The following TMEM74 variants were observed in gnomAD, a reference collection of about 807,000 sequenced individuals.
TMEM74 encodes transmembrane protein 74.
TMEM74 carries 13 observed loss-of-function variants against 18.1 expected under a neutral mutation model. That is an observed-to-expected ratio of 0.72 (90% CI 0.47 to 1.14). The LOEUF (loss-of-function observed/expected upper bound fraction) is 1.14, where lower values mean the gene tolerates loss of function less well. TMEM74 is among the 50% of genes most tolerant of loss of function. The pLI is 0.00. For missense variants in TMEM74, 372 were observed against 375.9 expected (o/e 0.99, Z 0.09); for synonymous variants, 159 against 146.6 (o/e 1.08, Z -0.61).
intron 1 of TMEM74, among the ~76,000 whole-genome samples, chr8:108,677,141 A>G (rs1272143870): frequency 1.3e-5 from 2 of 152,208 alleles, no homozygotes; most frequent in African/African-American, 4.8e-5. Flanking sequence ...AATTTTACTT[A>G]AATAAAATTT....
Position 108,736,311 on chromosome 8 carries a change from A to G in TMEM74, n.119+51165T>C, listed in dbSNP as rs190387265. Among the ~76,000 whole-genome samples, 558 of 152,240 alleles carry G rather than the reference A, an allele frequency of 3.7e-3. 4 individuals are homozygous for G. Among genetic ancestry groups the G allele is most frequent in the African/African-American group, 0.013 (524 of 41,556 alleles). On this transcript the variant is annotated intron_variant and non_coding_transcript_variant, in intron 1 of 3. Coordinates refer to the TMEM74 transcript ENST00000518838. The stretch of plus-strand genomic sequence containing the variant: ...TTACACGGGGCTTTCTTTTTAAAAG[A>G]TCTTTCTTTTTTACTTGAAATGTGA...
intron 1 of TMEM74, among the ~76,000 whole-genome samples, chr8:108,744,997 TCCTTTATGATAGTAA>T (rs1288517431): frequency 2.0e-5 from 3 of 152,200 alleles, no homozygotes; most frequent in South Asian, 4.1e-4. Context: ...TTTTTTATTT[TCCTTTATGATAGTAA>T]CCACATTTAG....
intron 1 of TMEM74, among the ~76,000 whole-genome samples, chr8:108,669,747 A>G (rs1187751188): frequency 6.6e-6 from 1 of 152,190 alleles, no homozygotes; most frequent in Non-Finnish European, 1.5e-5. Context: ...CTTCAGAAGT[A>G]GTGCATGGGG....
chr8:108,779,787 A>G lies in TMEM74; in HGVS notation c.*4394T>C, dbSNP rs1814280307. On this transcript the variant is annotated 3_prime_UTR_variant, in exon 2 of 2. Transcript: ENST00000297459. ...GACTTGAGTGCACATAAATCTGCACACAAACATAAACCACGAGTACACTCT... is the reference window on the plus strand; with the variant it reads ...GACTTGAGTGCACATAAATCTGCACGCAAACATAAACCACGAGTACACTCT... Among the ~76,000 whole-genome samples the G allele has an allele frequency of 6.6e-6, 1 of 152,236 alleles. No individual in the cohort carries two copies. The highest frequency in any genetic ancestry group is 2.4e-5 in the African/African-American group (1 of 41,464).
intron 1 of TMEM74, among the ~76,000 whole-genome samples, chr8:108,680,301 C>G (rs567957672): frequency 1.3e-5 from 2 of 152,304 alleles, no homozygotes; most frequent in African/African-American, 4.8e-5. Flanking sequence ...AGCAGCACAT[C>G]AAAAAGCTTA....
chr8:108,737,316 T>C (rs1813758178), intron 1 of TMEM74, among the ~76,000 whole-genome samples: 1 of 152,180 alleles, frequency 6.6e-6, no homozygotes, highest in Non-Finnish European at 1.5e-5. Context: ...TGTTCCTTTA[T>C]TTCCTTTGGG....
chr8:108,648,471 G>A (rs764168423), intron 2 of TMEM74, among the ~76,000 whole-genome samples: 6 of 152,126 alleles, frequency 3.9e-5, no homozygotes, highest in Non-Finnish European at 7.4e-5. Flanking sequence ...CTAATCCTCA[G>A]GACCTGTGAA....
intron 1 of TMEM74, among the ~76,000 whole-genome samples, chr8:108,657,879 T>TATATATATATATATTAATTAC (rs1563742312): frequency 8.5e-5 from 7 of 82,724 alleles, no homozygotes; most frequent in Admixed American, 1.6e-4. Context: ...TATATATATA[T>TATATATATATATATTAATTAC]ATATATATAT....
At chr8:108,761,192 G>A (rs1814040052) in intron 1 of TMEM74, among the ~76,000 whole-genome samples, 1 of 152,020 alleles carries the variant, frequency 6.6e-6, no homozygotes, top group African/African-American at 2.4e-5. Flanking sequence ...ACACTATAGT[G>A]GTTAGAAGCA....
chr8:108,763,222 A>G (rs976676534), intron 1 of TMEM74, among the ~76,000 whole-genome samples: 6 of 152,052 alleles, frequency 3.9e-5, no homozygotes, highest in African/African-American at 1.2e-4. Flanking sequence ...ATTCCCATCT[A>G]TTATGCCTTA....
intron 1 of TMEM74, among the ~76,000 whole-genome samples, chr8:108,747,555 C>T (rs1563541232): frequency 6.6e-6 from 1 of 151,624 alleles, no homozygotes; most frequent in Admixed American, 6.6e-5. Context: ...CTCTCTCTCT[C>T]TTTTTTTTAA....
intron 1 of TMEM74, among the ~76,000 whole-genome samples, chr8:108,661,986 G>C (rs2130581884): frequency 6.6e-6 from 1 of 152,242 alleles, no homozygotes; most frequent in East Asian, 1.9e-4. Flanking sequence ...TTCCATCTCT[G>C]ATTTTCTACG....
intron 1 of TMEM74, among the ~76,000 whole-genome samples, chr8:108,769,348 C>T (rs1814145881): frequency 1.3e-5 from 2 of 152,130 alleles, no homozygotes; most frequent in Middle Eastern, 3.4e-3. Context: ...AAAAAAGTCA[C>T]ATCATAGATC....
intron 1 of TMEM74, among the ~76,000 whole-genome samples, chr8:108,720,180 A>G (rs990371472): frequency 7.4e-6 from 1 of 134,450 alleles, no homozygotes; most frequent in African/African-American, 2.8e-5. Flanking sequence ...GCTGTCCCCA[A>G]ATTTTGTAAA....
intron 2 of TMEM74, among the ~76,000 whole-genome samples, chr8:108,630,706 A>T (rs1812542412): frequency 6.6e-6 from 1 of 152,030 alleles, no homozygotes; most frequent in Non-Finnish European, 1.5e-5. Context: ...AATAGTGGGT[A>T]TTTACTAATA....
chr8:108,636,750 C>T (rs1354528920), intron 2 of TMEM74, among the ~76,000 whole-genome samples: 1 of 150,258 alleles, frequency 6.7e-6, no homozygotes, highest in Non-Finnish European at 1.5e-5. Context: ...AGGAATCACG[C>T]CTTATATAGC....
chr8:108,697,826 G>A (rs1237793895), intron 1 of TMEM74, among the ~76,000 whole-genome samples: 2 of 151,968 alleles, frequency 1.3e-5, no homozygotes, highest in Non-Finnish European at 2.9e-5. Context: ...CTCTTTATTT[G>A]CGTTTGTTTT....
chr8:108,677,642 C>G (rs956471758), intron 1 of TMEM74, among the ~76,000 whole-genome samples: 12 of 151,816 alleles, frequency 7.9e-5, no homozygotes, highest in African/African-American at 2.9e-4. Context: ...CCAGAAATGC[C>G]TCAAACTCCA....
chr8:108,777,931 A>C (rs2129655666), downstream of TMEM74, among the ~76,000 whole-genome samples: 1 of 152,304 alleles, frequency 6.6e-6, no homozygotes, highest in East Asian at 1.9e-4. Flanking sequence ...CTTTTTTATG[A>C]TTAAATAATA....
Sources: gnomAD v4.1 joint callset for allele counts (sites outside exome capture counted in the v4.1 genomes callset) on GRCh38, gnomAD v4.1.1 for gene constraint, MANE v1.5 for transcripts, NCBI Gene and HGNC (gene_info 2026-07-23, HGNC 2026-07-21) for gene names.